Variants in TMCO5A observed in about 807,000 individuals in gnomAD.
TMCO5A encodes transmembrane and coiled-coil domains 5A.
TMCO5A carries 34 observed loss-of-function variants against 42.3 expected under a neutral mutation model. The ratio of observed to expected loss-of-function variants is 0.80; its 90% confidence interval spans 0.61 to 1.07. The LOEUF (loss-of-function observed/expected upper bound fraction) is 1.07. TMCO5A is among the 50% of genes least tolerant of loss of function. TMCO5A has a pLI of 0.00. For synonymous variants in TMCO5A, 131 were observed against 115.6 expected, an observed-to-expected ratio of 1.13 and a Z score of -0.86; for missense variants, 357 against 327.9, an observed-to-expected ratio of 1.09 and a Z score of -0.69.
chr15:37,967,405 A>T (rs1425314015), exon 12 of TMCO5A: 1 of 152,200 alleles, frequency 6.6e-6, no homozygotes, highest in Non-Finnish European at 1.5e-5. Flanking sequence ...AGAAATTATG[A>T]AAATGTGTAA....
chr15:37,978,157 G>A, the TMCO5A span, among the ~76,000 whole-genome samples: 2 of 152,360 alleles, frequency 1.3e-5, no homozygotes, highest in East Asian at 3.9e-4. Context: ...ACTGTACTGT[G>A]GGCCTGAGCC....
downstream of TMCO5A, among the ~76,000 whole-genome samples, chr15:37,955,777 A>C (rs1441009464): frequency 6.6e-6 from 1 of 152,146 alleles, no homozygotes; most frequent in African/African-American, 2.4e-5. Flanking sequence ...TCCACCCCAA[A>C]TCAACAGAAT....
At chr15:38,022,968 T>C in the TMCO5A span, among the ~76,000 whole-genome samples, 46 of 152,302 alleles carry the variant, frequency 3.0e-4, no homozygotes, top group African/African-American at 1.1e-3. Flanking sequence ...AAACACTCAA[T>C]TGTATAAAAT....
At chr15:38,028,509 C>G in the TMCO5A span, among the ~76,000 whole-genome samples, 13 of 152,298 alleles carry the variant, frequency 8.5e-5, 1 homozygote, top group South Asian at 2.7e-3. Context: ...ATGTTCCATT[C>G]AATCATTCTC....
At chr15:37,983,446 A>G in the TMCO5A span, among the ~76,000 whole-genome samples, 1 of 152,320 alleles carries the variant, frequency 6.6e-6, no homozygotes, top group East Asian at 1.9e-4. Flanking sequence ...GACAACAGGC[A>G]TTGAGCAGAT....
chr15:37,981,142 G>A, the TMCO5A span, among the ~76,000 whole-genome samples: 1 of 142,714 alleles, frequency 7.0e-6, no homozygotes, highest in Non-Finnish European at 1.5e-5. Context: ...CCAGAATATA[G>A]CTGCTGAAGG....
At chr15:37,998,516 T>G in the TMCO5A span, among the ~76,000 whole-genome samples, 1 of 152,190 alleles carries the variant, frequency 6.6e-6, no homozygotes, top group Non-Finnish European at 1.5e-5. Context: ...TGTAGAGGTA[T>G]GGATATATTT....
chr15:37,943,872 T>C (rs1470484155), intron 10 of TMCO5A: 1 of 155,294 alleles, frequency 6.4e-6, no homozygotes, highest in Non-Finnish European at 1.4e-5. Flanking sequence ...TGCTTCTTTG[T>C]GACAGAGTTT....
the TMCO5A span, among the ~76,000 whole-genome samples, chr15:38,000,509 A>G: frequency 2.0e-5 from 3 of 151,786 alleles, no homozygotes; most frequent in Admixed American, 6.6e-5. Flanking sequence ...TTTAAATTTC[A>G]TTCATTTCTG....
the TMCO5A span, among the ~76,000 whole-genome samples, chr15:37,983,736 T>G: frequency 6.6e-5 from 10 of 151,710 alleles, no homozygotes; most frequent in Admixed American, 5.2e-4. Context: ...TTTTTGTTTT[T>G]TTTTTGAGAT....
the TMCO5A span, among the ~76,000 whole-genome samples, chr15:37,974,884 T>C: frequency 6.6e-6 from 1 of 152,208 alleles, no homozygotes; most frequent in Non-Finnish European, 1.5e-5. Context: ...TTTAATGCTA[T>C]AAATTTTTCT....
chr15:37,979,868 C>T, the TMCO5A span, among the ~76,000 whole-genome samples: 1 of 152,148 alleles, frequency 6.6e-6, no homozygotes, highest in Admixed American at 6.5e-5. Flanking sequence ...GCCCTGCCCA[C>T]TGAGGGTAAG....
the TMCO5A span, among the ~76,000 whole-genome samples, chr15:37,993,029 T>G: frequency 6.6e-6 from 1 of 152,180 alleles, no homozygotes; most frequent in Non-Finnish European, 1.5e-5. Flanking sequence ...TAAAATATTT[T>G]CATTTCAGTT....
In TMCO5A at chr15:37,951,145, A is replaced by C. The variant is rs752314262; in HGVS notation, c.778A>C (p.Lys260Gln). 6.2e-7 allele frequency: 1 copy of C among 1,613,808 alleles called. No individual in the cohort carries two copies. The highest frequency in any genetic ancestry group is 8.5e-7 in the Non-Finnish European group (1 of 1,179,876). Residue 260 changes from lysine (K) to glutamine (Q), a missense_variant, in exon 12 of 12, where the codon AAG (lysine) becomes CAG (glutamine). By Grantham distance (53) the Lys-to-Gln change is moderately conservative. Coordinates refer to ENST00000319669, the MANE Select transcript of TMCO5A (RefSeq NM_152453.4). The stretch of plus-strand genomic sequence containing the variant: ...AGATCTCCTCGTCAATGTACTGCCC[A>C]AGGTACTGGGCAGGAGCACCTTGTG... ...NPDLLVNVLP[K>Q]VLGRSTLWKL...
At chr15:37,964,099 G>T (rs1890498710) in intron 11 of TMCO5A, among the ~76,000 whole-genome samples, 1 of 152,144 alleles carries the variant, frequency 6.6e-6, no homozygotes. Context: ...ACCAGAGTTG[G>T]TTTTCTGGTT....
At chr15:37,996,085 C>T in the TMCO5A span, among the ~76,000 whole-genome samples, 1 of 152,186 alleles carries the variant, frequency 6.6e-6, no homozygotes, top group African/African-American at 2.4e-5. Context: ...CACCCCACTT[C>T]CCAGGGAGAT....
At chr15:38,003,600 C>A in the TMCO5A span, among the ~76,000 whole-genome samples, 1 of 151,994 alleles carries the variant, frequency 6.6e-6, no homozygotes, top group African/African-American at 2.4e-5. Context: ...TGGGCTGGCA[C>A]CCAAGCTTTA....
intron 6 of TMCO5A, among the ~76,000 whole-genome samples, chr15:37,939,106 C>A (rs903617983): frequency 3.9e-5 from 6 of 152,080 alleles, no homozygotes; most frequent in Non-Finnish European, 5.9e-5. Context: ...CCCATTAACT[C>A]GTCATTTGAT....
At chr15:38,038,026 A>T in the TMCO5A span, among the ~76,000 whole-genome samples, 9 of 144,796 alleles carry the variant, frequency 6.2e-5, no homozygotes, top group East Asian at 2.0e-4. Context: ...AAAAAAAAAT[A>T]AAAAAAAAAT....
Sources: allele counts gnomAD v4.1 joint callset (sites outside exome capture counted in the v4.1 genomes callset), GRCh38; gene constraint gnomAD v4.1.1; transcripts MANE v1.5; gene names NCBI Gene and HGNC (gene_info 2026-07-23, HGNC 2026-07-21).